The following HELLS variants were observed in gnomAD, a reference collection of about 807,000 sequenced individuals.
HELLS encodes helicase, lymphoid specific.
HELLS carries 32 observed loss-of-function variants against 120.0 expected under a neutral mutation model. That is an observed-to-expected ratio of 0.27 (90% CI 0.20 to 0.36). The LOEUF is 0.36. Ranked by LOEUF, HELLS falls within the 10% of genes least tolerant of loss-of-function variation. The probability of loss-of-function intolerance (pLI) is 1.00; values close to 1 mark genes in which losing one functional copy is unlikely to be tolerated. For missense variants in HELLS, 650 were observed against 993.4 expected (o/e 0.65, Z 4.65); for synonymous variants, 341 against 323.4 (o/e 1.05, Z -0.58).
intron 6 of HELLS, among the ~76,000 whole-genome samples, chr10:94,568,840 T>C (rs539687161): frequency 1.4e-4 from 20 of 140,610 alleles, no homozygotes; most frequent in Admixed American, 1.1e-3. Flanking sequence ...TGTCCACCTT[T>C]ATCACTTTTT....
In HELLS at chr10:94,575,438, T is replaced by C. The variant is rs56852421; in HGVS notation, c.888+702T>C. Among the ~76,000 whole-genome samples, 487 of 151,604 alleles carry C rather than the reference T, an allele frequency of 3.2e-3. 2 individuals carry two copies. The highest frequency in any genetic ancestry group is 0.011 in the African/African-American group (470 of 41,436). On this transcript the variant is annotated intron_variant, in intron 9 of 21. Coordinates refer to ENST00000348459, the MANE Select transcript of HELLS (RefSeq NM_018063.5). ...GCACATTTTTGCCTTATGAGAAATA[T>C]ATATATTCTAGACGTAGTATCACCA...
chr10:94,600,753 T>G (rs1403418283), intron 21 of HELLS, among the ~76,000 whole-genome samples: 1 of 152,208 alleles, frequency 6.6e-6, no homozygotes, highest in African/African-American at 2.4e-5. Context: ...AAAATATATT[T>G]ATGATTTTAG....
intron 21 of HELLS, among the ~76,000 whole-genome samples, chr10:94,600,578 A>G (rs948325234): frequency 6.6e-6 from 1 of 152,180 alleles, no homozygotes; most frequent in Non-Finnish European, 1.5e-5. Context: ...CTGATAGGAA[A>G]TTCCTATTAA....
At chr10:94,597,157 T>C (rs1382631996) in intron 21 of HELLS, 46 bp downstream of exon 21, 1 of 1,048,050 alleles carries the variant, frequency 9.5e-7, no homozygotes. Context: ...AACATACACT[T>C]AATTAGCATA....
chr10:94,565,650 A>T (rs995922668), intron 6 of HELLS, among the ~76,000 whole-genome samples: 1 of 152,214 alleles, frequency 6.6e-6, no homozygotes. Context: ...AGATGGCACC[A>T]TTGCACTCCA....
At chr10:94,600,644 T>A (rs1010034111) in intron 21 of HELLS, among the ~76,000 whole-genome samples, 3 of 152,112 alleles carry the variant, frequency 2.0e-5, no homozygotes, top group Non-Finnish European at 4.4e-5. Context: ...ACTTAGATTC[T>A]CCTCTCCTCA....
In HELLS at chr10:94,594,852, A is replaced by G. The variant is rs750186205; in HGVS notation, c.2246A>G (p.Lys749Arg). The G allele has an allele frequency of 3.1e-6, 5 of 1,605,730 alleles. No homozygotes were observed. The highest frequency in any genetic ancestry group is 4.3e-6 in the Non-Finnish European group (5 of 1,173,328). ...KRKLEKLIIH[K>R]NHFKGGQSGL... Reference sequence around the variant, plus strand: ...AAACTGGAAAAGTTGATCATCCATAAAAGTAAATAACACTTATGTAGTGCT... The same window carrying G: ...AAACTGGAAAAGTTGATCATCCATAGAAGTAAATAACACTTATGTAGTGCT... Residue 749 changes from lysine (K) to arginine (R), a missense_variant and splice_region_variant, in exon 19 of 22, where the codon AAA becomes AGA. Physicochemically the swap from Lys to Arg is conservative, Grantham distance 26 (BLOSUM62 2). Transcript: ENST00000348459.
At chr10:94,559,917 C>T (rs549231163) in intron 4 of HELLS, among the ~76,000 whole-genome samples, 20 of 152,264 alleles carry the variant, frequency 1.3e-4, no homozygotes, top group Middle Eastern at 3.4e-3. Context: ...GTGATTTTAT[C>T]GAACCACAAG....
At chr10:94,606,687 A>G (rs557559724), downstream of HELLS, among the ~76,000 whole-genome samples, 42 of 152,094 alleles carry the variant, frequency 2.8e-4, no homozygotes, top group Non-Finnish European at 5.1e-4. Context: ...TCTTTCCCCC[A>G]TCTGCATAGT....
chr10:94,578,101 A>G (rs923120361), intron 10 of HELLS, among the ~76,000 whole-genome samples: 4 of 150,680 alleles, frequency 2.7e-5, no homozygotes, highest in African/African-American at 9.8e-5. Context: ...AAAAAAATAC[A>G]AAAATTAGCT....
At chr10:94,556,871 A>C (rs763320176) in intron 3 of HELLS, among the ~76,000 whole-genome samples, 2 of 152,206 alleles carry the variant, frequency 1.3e-5, no homozygotes, top group African/African-American at 4.8e-5. Context: ...GATAATGTCT[A>C]TATGTCTGTA....
At chr10:94,561,827 A>G (rs1843568231) in intron 4 of HELLS, among the ~76,000 whole-genome samples, 1 of 151,946 alleles carries the variant, frequency 6.6e-6, no homozygotes, top group African/African-American at 2.4e-5. Flanking sequence ...TTCCATTAGT[A>G]TTCTCTTTTA....
In HELLS at chr10:94,582,964, T is replaced by C. The variant is rs2134083760; in HGVS notation, c.1231T>C (p.Phe411Leu). Residue 411 changes from phenylalanine to leucine, a missense_variant and splice_region_variant, in exon 12 of 22, where the codon TTT becomes CTT. Around this residue, in one of 9 missense-constraint regions of HELLS, gnomAD observed 48 missense variants for 127.0 expected, o/e 0.38. Coordinates refer to ENST00000348459, the MANE Select transcript of HELLS (RefSeq NM_018063.5). ...LPDVFDDLKS[F>L]ESWFDITSLS... is the part of the protein sequence containing the mutation. ...AACTTAAACATTTTTCTCTTCCAGC[T>C]TTGAGTCTTGGTTTGACATCACTAG... is the stretch of plus-strand genomic sequence containing the variant. 1.9e-6 allele frequency: 3 copies of C among 1,574,086 alleles called. No homozygotes were observed. The East Asian group carries it at 6.8e-5, about 36-fold the overall frequency.
At position 94,590,526 on chromosome 10, in the gene HELLS, A is replaced by G; in HGVS notation, c.1602A>G (p.Gln534=). 2 of 1,612,012 alleles carry G rather than the reference A, an allele frequency of 1.2e-6. No individual in the cohort carries two copies. Among genetic ancestry groups the G allele is most frequent in the Non-Finnish European group, 1.7e-6 (2 of 1,179,622 alleles). ...FPNELEKLIS[Q]IQPEVDRERA... Reference sequence around the variant, plus strand: ...ATGAATTGGAAAAACTGATCAGTCAAATACAGCCAGAGGTGGACCGAGAAA... The same window carrying G: ...ATGAATTGGAAAAACTGATCAGTCAGATACAGCCAGAGGTGGACCGAGAAA... Residue 534 remains glutamine, a synonymous_variant, in exon 14 of 22, where the codon CAA becomes CAG. Coordinates refer to ENST00000348459, the MANE Select transcript of HELLS (RefSeq NM_018063.5).
intron 9 of HELLS, among the ~76,000 whole-genome samples, 199 bp from the exon 10 acceptor site, chr10:94,576,463 T>A (rs7909713): frequency 0.034 from 5,174 of 151,450 alleles, 257 homozygotes; most frequent in African/African-American, 0.11. Context: ...GACTTTGTTT[T>A]TTTGTTTGTT....
intron 9 of HELLS, among the ~76,000 whole-genome samples, chr10:94,576,225 T>C (rs1461424929): frequency 1.3e-5 from 2 of 152,196 alleles, no homozygotes; most frequent in Non-Finnish European, 2.9e-5. Context: ...GTGAGCCTGC[T>C]ATCTCACACG....
At chr10:94,584,493 C>T (rs1564606729) in intron 12 of HELLS, among the ~76,000 whole-genome samples, 3 of 151,976 alleles carry the variant, frequency 2.0e-5, no homozygotes, top group South Asian at 4.1e-4. Flanking sequence ...GAGTAAATGA[C>T]TTATTTAGGA....
intron 9 of HELLS, among the ~76,000 whole-genome samples, chr10:94,576,126 T>G (rs7909319): frequency 0.034 from 5,158 of 152,088 alleles, 257 homozygotes; most frequent in African/African-American, 0.11. Context: ...CCTTTTTTTT[T>G]GTCTTCAGAC....
At chr10:94,582,506 C>T (rs1359241721) in intron 11 of HELLS, among the ~76,000 whole-genome samples, 1 of 151,960 alleles carries the variant, frequency 6.6e-6, no homozygotes, top group Non-Finnish European at 1.5e-5. Context: ...TATATATTTT[C>T]AACATTGGGA....
Sources: gnomAD v4.1 joint callset for allele counts (sites outside exome capture counted in the v4.1 genomes callset) on GRCh38, gnomAD v4.1.1 for gene constraint, gnomAD v4.1.1 regional missense constraint, MANE v1.5 for transcripts, NCBI Gene and HGNC (gene_info 2026-07-23, HGNC 2026-07-21) for gene names.